Variants in PPP4R1 observed in about 807,000 individuals in gnomAD.
PPP4R1 encodes the protein protein phosphatase 4 regulatory subunit 1, also known as serine/threonine-protein phosphatase 4 regulatory subunit 1.
PPP4R1 carries 42 observed loss-of-function variants against 111.2 expected under a neutral mutation model. That is an observed-to-expected ratio of 0.38 (90% CI 0.29 to 0.49). PPP4R1 has a LOEUF of 0.49. Among genes scored for constraint, PPP4R1 ranks in the 20% least tolerant of loss-of-function variants. PPP4R1 has a pLI of 0.97. For missense variants in PPP4R1, 1,012 were observed against 1,161.6 expected (o/e 0.87, Z 1.87); for synonymous variants, 409 against 405.5 (o/e 1.01, Z -0.10).
intron 2 of PPP4R1, among the ~76,000 whole-genome samples, chr18:9,605,567 A>C (rs1436821442): frequency 1.4e-4 from 1 of 7,324 alleles, no homozygotes; most frequent in African/African-American, 7.9e-4. Flanking sequence ...CAGTCCTGTC[A>C]AAAAAAAAAA....
chr18:9,588,175 A>G lies in PPP4R1; in HGVS notation c.499T>C (p.Phe167Leu). The G allele has an allele frequency of 2.5e-6, 4 of 1,614,182 alleles. No individual in the cohort carries two copies. The highest frequency in any genetic ancestry group is 3.4e-6 in the Non-Finnish European group (4 of 1,180,022). Residue 167 changes from phenylalanine to leucine, a missense_variant, in exon 6 of 20, where the codon TTT (phenylalanine) becomes CTT (leucine). Physicochemically the swap from Phe to Leu is conservative, Grantham distance 22. This residue lies in a region of PPP4R1 where 707 missense variants were observed against 742.1 expected (regional missense o/e 0.95). Transcript: ENST00000400556. ...GGGCACACTTTGGTCTCCACATCAA[A>G]TCGTTCAATGAGCTCCTGCTCCAAC... ...ALLEQELIERFDVETKVCPVL... is the reference protein window; with the variant it reads ...ALLEQELIERLDVETKVCPVL...
At chr18:9,585,971 CCAT>C (rs1400401890) in intron 6 of PPP4R1, among the ~76,000 whole-genome samples, 1 of 152,076 alleles carries the variant, frequency 6.6e-6, no homozygotes, top group Admixed American at 6.6e-5. Flanking sequence ...GAAAATCCCA[CCAT>C]CATCAGAACT....
chr18:9,560,968 A>G (rs2066664341), intron 13 of PPP4R1, among the ~76,000 whole-genome samples: 1 of 152,144 alleles, frequency 6.6e-6, no homozygotes, highest in African/African-American at 2.4e-5. Flanking sequence ...CTGTAATCAC[A>G]GCATTTTGGG....
intron 9 of PPP4R1, among the ~76,000 whole-genome samples, chr18:9,581,423 A>G (rs1011421750): frequency 6.6e-6 from 1 of 152,164 alleles, no homozygotes; most frequent in African/African-American, 2.4e-5. Context: ...GAAAAGTGCA[A>G]TGACTAAAAT....
At position 9,547,696 on chromosome 18, in the gene PPP4R1, T is replaced by A. The variant is rs1055495814; in HGVS notation, c.*93A>T. 12 of 1,475,826 alleles carry A rather than the reference T, an allele frequency of 8.1e-6. No homozygotes were observed. The highest frequency in any genetic ancestry group is 1.2e-5 in the South Asian group (1 of 81,332). 91.4% of individuals were successfully genotyped at this position (1,475,826 alleles called of 1,614,324 possible). A position where few individuals can be genotyped will look rare whatever the true frequency, so the allele number is the denominator to read the frequency against. Reference sequence around the variant, plus strand: ...GTCCGCAGGAGAGGAAGGTCTCTCCTCCCCCGAAAGCTATCCCAGGTCACA... The same window carrying A: ...GTCCGCAGGAGAGGAAGGTCTCTCCACCCCCGAAAGCTATCCCAGGTCACA... On this transcript the variant is annotated 3_prime_UTR_variant, in exon 20 of 20. Transcript: ENST00000400556.
rs2067164459 is a variant in PPP4R1, at chr18:9,588,860, A to C, written c.296-7T>G. The stretch of plus-strand genomic sequence containing the variant: ...TCCGCTCTCACAGTTGGTTCTATTG[A>C]AATAACGGCAATGTGAGCAAACATG... On this transcript the variant is annotated splice_region_variant and splice_polypyrimidine_tract_variant and intron_variant, in intron 4 of 19. Transcript: ENST00000400556. 1 of 1,610,856 alleles carries C rather than the reference A, an allele frequency of 6.2e-7. No homozygotes were observed. The highest frequency in any genetic ancestry group is 2.2e-5 in the East Asian group (1 of 44,828).
At chr18:9,610,743 G>A (rs1477714704) in intron 2 of PPP4R1, among the ~76,000 whole-genome samples, 1 of 152,146 alleles carries the variant, frequency 6.6e-6, no homozygotes, top group African/African-American at 2.4e-5. Context: ...ACAGGCATGA[G>A]CCACTGCACC....
At chr18:9,552,710 T>C (rs961707206) in intron 16 of PPP4R1, among the ~76,000 whole-genome samples, 5 of 152,146 alleles carry the variant, frequency 3.3e-5, no homozygotes, top group Non-Finnish European at 7.4e-5. Context: ...TACATAAACG[T>C]TCCTAGCAGC....
intron 10 of PPP4R1, among the ~76,000 whole-genome samples, chr18:9,575,940 A>G (rs2066929380): frequency 6.6e-6 from 1 of 152,256 alleles, no homozygotes; most frequent in Non-Finnish European, 1.5e-5. Flanking sequence ...GATTTCAAAA[A>G]TGAAAAATAG....
At chr18:9,561,893 A>G (rs2066683546) in intron 13 of PPP4R1, 87 bp downstream of exon 13, 1 of 1,082,916 alleles carries the variant, frequency 9.2e-7, no homozygotes, top group South Asian at 1.3e-5. Flanking sequence ...CACTCATCAT[A>G]AAGAAGGGGC....
At chr18:9,595,623 G>T (rs1437978381) in intron 2 of PPP4R1, among the ~76,000 whole-genome samples, 1 of 152,128 alleles carries the variant, frequency 6.6e-6, no homozygotes, top group Non-Finnish European at 1.5e-5. Context: ...AAATACATTT[G>T]TGCCAAGTAC....
intron 2 of PPP4R1, among the ~76,000 whole-genome samples, chr18:9,602,677 T>C (rs2067409037): frequency 6.6e-6 from 1 of 151,906 alleles, no homozygotes; most frequent in Non-Finnish European, 1.5e-5. Context: ...CTGGCCAACA[T>C]GGTGAAATCC....
At chr18:9,598,587 A>G (rs2067328402) in intron 2 of PPP4R1, among the ~76,000 whole-genome samples, 1 of 122,306 alleles carries the variant, frequency 8.2e-6, no homozygotes, top group South Asian at 2.6e-4. Context: ...GCTGAAATAA[A>G]GATTTTTTTC....
chr18:9,571,183 G>A (rs2066856487), intron 10 of PPP4R1, among the ~76,000 whole-genome samples: 1 of 152,102 alleles, frequency 6.6e-6, no homozygotes, highest in Non-Finnish European at 1.5e-5. Context: ...GATAGTAGTA[G>A]GAAAGATACT....
chr18:9,590,830 T>C (rs1266068853), intron 4 of PPP4R1, among the ~76,000 whole-genome samples: 1 of 152,130 alleles, frequency 6.6e-6, no homozygotes, highest in Non-Finnish European at 1.5e-5. Context: ...TTTATGACTT[T>C]GAGATTGGAA....
chr18:9,549,942 G>A, intron 18 of PPP4R1, 110 bp downstream of exon 18: 2 of 1,471,530 alleles, frequency 1.4e-6, no homozygotes, highest in Non-Finnish European at 1.8e-6. Context: ...GCTACTATAA[G>A]GTTCTGTTCC....
chr18:9,562,402 T>C (rs1233769736), intron 12 of PPP4R1, among the ~76,000 whole-genome samples: 1 of 152,238 alleles, frequency 6.6e-6, no homozygotes, highest in Non-Finnish European at 1.5e-5. Context: ...TCCATTGTTT[T>C]AGAGACCATG....
chr18:9,588,890 C>G, intron 4 of PPP4R1, 37 bp from the exon 5 acceptor site: 1 of 1,600,152 alleles, frequency 6.2e-7, no homozygotes. Context: ...AACATGTTCT[C>G]CTGCAGCAAC....
At position 9,570,335 on chromosome 18, in the gene PPP4R1, T is replaced by C. The variant is rs747738612; in HGVS notation, c.1395A>G (p.Glu465=). 2 of 1,611,740 alleles carry C rather than the reference T, an allele frequency of 1.2e-6. No homozygotes were observed. The highest frequency in any genetic ancestry group is 1.7e-6 in the Non-Finnish European group (2 of 1,179,042). ...SFHFWRTPLP[E]IDLDIELEQN... Reference sequence around the variant, plus strand: ...GTTCAAGCTCTATGTCTAGATCTATTTCAGGAAGAGGAGTCCTCCAGAAAT... The same window carrying C: ...GTTCAAGCTCTATGTCTAGATCTATCTCAGGAAGAGGAGTCCTCCAGAAAT... The change falls in exon 11 of 20, where the codon GAA becomes GAG. Residue 465 remains glutamate, a synonymous_variant. Coordinates refer to ENST00000400556, the MANE Select transcript of PPP4R1 (RefSeq NM_001042388.3).
Sources: gnomAD v4.1 joint callset for allele counts (sites outside exome capture counted in the v4.1 genomes callset) on GRCh38, gnomAD v4.1.1 for gene constraint, gnomAD v4.1.1 regional missense constraint, MANE v1.5 for transcripts, NCBI Gene and HGNC (gene_info 2026-07-23, HGNC 2026-07-21) for gene names.